Variants in EPHA5 observed in about 807,000 individuals in gnomAD.
EPHA5 encodes EPH receptor A5.
Under a neutral mutation model 105.0 loss-of-function variants are expected in EPHA5, and 60 were observed. The observed-to-expected ratio is 0.57, with a 90% CI of 0.46 to 0.71. The LOEUF (loss-of-function observed/expected upper bound fraction) is 0.71, where lower values mean the gene tolerates loss of function less well. EPHA5 is among the 30% of genes least tolerant of loss of function. EPHA5 has a pLI of 0.00. For missense variants in EPHA5, 1,218 were observed against 1,274.7 expected (o/e 0.96, Z 0.68); for synonymous variants, 513 against 449.1 (o/e 1.14, Z -1.80).
chr4:65,427,546 G>T (rs1234858013), intron 5 of EPHA5, among the ~76,000 whole-genome samples: 1 of 152,130 alleles, frequency 6.6e-6, no homozygotes, highest in Admixed American at 6.5e-5. Flanking sequence ...AATGATGAAA[G>T]ACAAAGTATG....
chr4:65,501,620 G>T (rs1732498895), intron 3 of EPHA5, among the ~76,000 whole-genome samples: 1 of 151,574 alleles, frequency 6.6e-6, no homozygotes, highest in African/African-American at 2.4e-5. Context: ...CAAACAAATG[G>T]AAAAACATTC....
chr4:65,513,329 T>G (rs890873511), intron 3 of EPHA5, among the ~76,000 whole-genome samples: 1 of 152,186 alleles, frequency 6.6e-6, no homozygotes, highest in Non-Finnish European at 1.5e-5. Flanking sequence ...TATTCCTAAT[T>G]CTGATGACTC....
intron 11 of EPHA5, among the ~76,000 whole-genome samples, chr4:65,361,269 T>A (rs1171158940): frequency 6.6e-6 from 1 of 151,554 alleles, no homozygotes; most frequent in African/African-American, 2.4e-5. Context: ...GAGGTCACAT[T>A]TGAATTAAAC....
intron 5 of EPHA5, among the ~76,000 whole-genome samples, chr4:65,436,320 A>C (rs1725478163): frequency 6.6e-6 from 1 of 152,012 alleles, no homozygotes; most frequent in South Asian, 2.1e-4. Context: ...ATCAACTACT[A>C]TCAAGATCTA....
chr4:65,456,031 A>T (rs1727549371), intron 5 of EPHA5, among the ~76,000 whole-genome samples: 1 of 152,146 alleles, frequency 6.6e-6, no homozygotes, highest in South Asian at 2.1e-4. Context: ...TCACAAGTAC[A>T]TTATTTTTTC....
chr4:65,349,689 G>A (rs767331475), intron 13 of EPHA5, among the ~76,000 whole-genome samples: 40 of 152,200 alleles, frequency 2.6e-4, no homozygotes, highest in African/African-American at 9.4e-4. Flanking sequence ...AGTTAGGTTT[G>A]AATTATTTGC....
At chr4:65,556,963 G>GTCAAAATAT (rs1312848718) in intron 3 of EPHA5, among the ~76,000 whole-genome samples, 1 of 151,676 alleles carries the variant, frequency 6.6e-6, no homozygotes, top group Non-Finnish European at 1.5e-5. Flanking sequence ...CACTTCCTCT[G>GTCAAAATAT]TCAAAATATT....
intron 3 of EPHA5, among the ~76,000 whole-genome samples, chr4:65,584,600 T>C (rs1050986247): frequency 6.6e-6 from 1 of 151,914 alleles, no homozygotes; most frequent in Non-Finnish European, 1.5e-5. Context: ...GGAATACCTA[T>C]TAGAAAAGTG....
chr4:65,411,306 A>G (rs181127108), intron 7 of EPHA5, among the ~76,000 whole-genome samples: 8 of 152,162 alleles, frequency 5.3e-5, no homozygotes, highest in African/African-American at 1.9e-4. Context: ...GACTTACAAG[A>G]TAATGTCAAT....
intron 1 of EPHA5, among the ~76,000 whole-genome samples, chr4:65,658,572 T>C (rs572413044): frequency 6.6e-6 from 1 of 152,240 alleles, no homozygotes; most frequent in Admixed American, 6.6e-5. Context: ...ACTTAACATA[T>C]ATATTATTTA....
chr4:65,331,666 T>C (rs1720629449), intron 16 of EPHA5: 1 of 1,116,778 alleles, frequency 9.0e-7, no homozygotes, highest in South Asian at 4.0e-5. Flanking sequence ...GATACCAGTA[T>C]AAAAAAACTT....
At chr4:65,447,163 A>G (rs1726627404) in intron 5 of EPHA5, among the ~76,000 whole-genome samples, 1 of 151,062 alleles carries the variant, frequency 6.6e-6, no homozygotes, top group Admixed American at 6.6e-5. Context: ...ATTTTTACTT[A>G]TTGTTCTTCT....
intron 5 of EPHA5, among the ~76,000 whole-genome samples, chr4:65,453,143 A>G (rs1196587659): frequency 2.0e-5 from 3 of 152,308 alleles, no homozygotes; most frequent in Non-Finnish European, 4.4e-5. Flanking sequence ...TTACTATACC[A>G]GCACACATAA....
intron 7 of EPHA5, among the ~76,000 whole-genome samples, chr4:65,409,440 T>G (rs905795633): frequency 3.3e-5 from 5 of 152,026 alleles, no homozygotes; most frequent in Non-Finnish European, 5.9e-5. Context: ...AAAAAAATCA[T>G]TATACATTTG....
intron 1 of EPHA5, among the ~76,000 whole-genome samples, chr4:65,667,536 A>G (rs1346599996): frequency 6.6e-6 from 1 of 152,088 alleles, no homozygotes; most frequent in East Asian, 1.9e-4. Context: ...GGACTAGATG[A>G]GGTAAGACAA....
At chr4:65,610,685 T>C (rs1744683659) in intron 2 of EPHA5, among the ~76,000 whole-genome samples, 1 of 152,154 alleles carries the variant, frequency 6.6e-6, no homozygotes, top group African/African-American at 2.4e-5. Context: ...AACAAATTAA[T>C]AAACTGAATA....
At chr4:65,430,065 T>C (rs1207829885) in intron 5 of EPHA5, among the ~76,000 whole-genome samples, 1 of 152,070 alleles carries the variant, frequency 6.6e-6, no homozygotes, top group East Asian at 1.9e-4. Context: ...TTAGTAATGT[T>C]ACCAGATATT....
At chr4:65,485,746 T>A (rs1730820562) in intron 5 of EPHA5, among the ~76,000 whole-genome samples, 2 of 152,150 alleles carry the variant, frequency 1.3e-5, no homozygotes, top group Non-Finnish European at 2.9e-5. Context: ...CAGAAATACA[T>A]TGTTGGAATG....
chr4:65,636,408 C>T (rs1747123748), intron 2 of EPHA5, among the ~76,000 whole-genome samples: 1 of 152,056 alleles, frequency 6.6e-6, no homozygotes, highest in African/African-American at 2.4e-5. Flanking sequence ...TTTAGAGTAG[C>T]TCATGTCTGG....
Sources: allele counts gnomAD v4.1 joint callset (sites outside exome capture counted in the v4.1 genomes callset), GRCh38; gene constraint gnomAD v4.1.1; transcripts MANE v1.5; gene names NCBI Gene and HGNC (gene_info 2026-07-23, HGNC 2026-07-21).